The following PHF20L1 variants were observed in gnomAD, a reference collection of about 807,000 sequenced individuals.
PHF20L1 encodes PHD finger protein 20 like 1.
In PHF20L1, 44 loss-of-function variants were observed where a neutral mutation model predicts 125.5. The observed-to-expected ratio is 0.35, with a 90% CI of 0.28 to 0.45. PHF20L1 has a LOEUF of 0.45. Ranked by LOEUF, PHF20L1 falls within the 20% of genes least tolerant of loss-of-function variation. PHF20L1 has a pLI of 1.00. For missense variants in PHF20L1, 1,012 were observed against 1,217.2 expected (o/e 0.83, Z 2.51); for synonymous variants, 380 against 403.1 (o/e 0.94, Z 0.69).
intron 2 of PHF20L1, among the ~76,000 whole-genome samples, chr8:132,786,229 G>A (rs1297539198): frequency 6.6e-6 from 1 of 151,990 alleles, no homozygotes; most frequent in Non-Finnish European, 1.5e-5. Flanking sequence ...TGAAAGTTAA[G>A]CTACTTTCTT....
chr8:132,780,400 T>G (rs2131308250), intron 2 of PHF20L1, among the ~76,000 whole-genome samples: 1 of 152,270 alleles, frequency 6.6e-6, no homozygotes, highest in East Asian at 1.9e-4. Flanking sequence ...ATTCTGTAAA[T>G]TTTTGCATTA....
chr8:132,827,912 TGA>T lies in PHF20L1; in HGVS notation c.1744+2543_1744+2544del, dbSNP rs1836367371. On this transcript the variant is annotated intron_variant, in intron 14 of 20. Transcript: ENST00000395386. ...ATTGCTGTTTATAAACAGCAGGTGT[TGA>T]GTTTGATAATCACTGTCATCTTTGT... Among the ~76,000 whole-genome samples, 3 of 152,168 alleles carry T rather than the reference TGA, an allele frequency of 2.0e-5. No individual in the cohort carries two copies. In the South Asian group the frequency reaches 6.2e-4, roughly 32 times the overall value.
rs1586934787 is a variant in PHF20L1 at position 132,806,264 on chromosome 8, AC to A, written c.847+1525del. On this transcript the variant is annotated intron_variant, in intron 8 of 20. Coordinates refer to ENST00000395386, the MANE Select transcript of PHF20L1 (RefSeq NM_016018.5). ...CTCAACGTTTAAAGAAGTAAAAAAA[AC>A]AAAAAACTACAACACAAAAACTCTG... 4 of 152,170 alleles carry A rather than the reference AC, an allele frequency of 2.6e-5. No individual in the cohort carries two copies. The East Asian group carries it at 7.7e-4, about 29-fold the overall frequency. 9.4% of individuals were successfully genotyped at this position (152,170 alleles called of 1,614,324 possible). A position where few individuals can be genotyped will look rare whatever the true frequency, so the allele number is the denominator to read the frequency against.
chr8:132,777,960 T>A, intron 2 of PHF20L1, 49 bp downstream of exon 2: 1 of 1,105,046 alleles, frequency 9.0e-7, no homozygotes, highest in Non-Finnish European at 1.4e-6. Flanking sequence ...ATCTGTAGCC[T>A]TACATATGTT....
At position 132,794,775 on chromosome 8, in the gene PHF20L1, T is replaced by A; in HGVS notation, c.298T>A (p.Cys100Ser). The change falls in exon 4 of 21, where the codon TGT becomes AGT. Residue 100 changes from cysteine to serine, a missense_variant. Physicochemically the swap from Cys to Ser is moderately radical, Grantham distance 112. This residue lies in a region of PHF20L1 where 94 missense variants were observed against 179.5 expected (regional missense o/e 0.52). Coordinates refer to ENST00000395386, the MANE Select transcript of PHF20L1 (RefSeq NM_016018.5). ...GEEVLARWTD[C>S]RYYPAKIEAI... ...AGAAGTTCTGGCTCGTTGGACAGAC[T>A]GTCGCTATTACCCTGCCAAGATTGA... 1 of 1,613,206 alleles carries A rather than the reference T, an allele frequency of 6.2e-7. No individual in the cohort carries two copies. The highest frequency in any genetic ancestry group is 8.5e-7 in the Non-Finnish European group (1 of 1,179,336).
intron 2 of PHF20L1, among the ~76,000 whole-genome samples, chr8:132,789,586 C>A (rs1463203721): frequency 6.6e-6 from 1 of 152,080 alleles, no homozygotes; most frequent in Non-Finnish European, 1.5e-5. Context: ...GCCAAATAAA[C>A]AATGAAGAAT....
At chr8:132,783,362 T>G (rs943870680) in intron 2 of PHF20L1, among the ~76,000 whole-genome samples, 2 of 152,224 alleles carry the variant, frequency 1.3e-5, no homozygotes, top group Admixed American at 1.3e-4. Flanking sequence ...TTTGCAAATG[T>G]GAGTTTTTAA....
intron 12 of PHF20L1, among the ~76,000 whole-genome samples, chr8:132,822,981 A>G (rs577959015): frequency 6.6e-6 from 1 of 151,990 alleles, no homozygotes; most frequent in East Asian, 1.9e-4. Context: ...ACTAGCCACA[A>G]ATAGATATTA....
At chr8:132,793,242 C>A (rs1831976542) in intron 2 of PHF20L1, among the ~76,000 whole-genome samples, 1 of 152,196 alleles carries the variant, frequency 6.6e-6, no homozygotes, top group South Asian at 2.1e-4. Context: ...ATGCTTGACA[C>A]AGAGCAACAT....
At chr8:132,844,880 T>C (rs1398380004) in intron 20 of PHF20L1, among the ~76,000 whole-genome samples, 1 of 152,122 alleles carries the variant, frequency 6.6e-6, no homozygotes, top group African/African-American at 2.4e-5. Context: ...TCTCAGTCCA[T>C]GTTGTTCTTA....
intron 8 of PHF20L1, among the ~76,000 whole-genome samples, chr8:132,804,975 G>A (rs1315406726): frequency 6.6e-6 from 1 of 151,878 alleles, no homozygotes; most frequent in Non-Finnish European, 1.5e-5. Context: ...TGTTGTGAGG[G>A]TTGATAAGGA....
intron 18 of PHF20L1, 30 bp from the exon 19 acceptor site, chr8:132,842,485 G>A: frequency 6.7e-7 from 1 of 1,483,446 alleles, no homozygotes; most frequent in Non-Finnish European, 9.0e-7. Flanking sequence ...TTTTTTTTCT[G>A]AACTGCTGTT....
Position 132,798,805 on chromosome 8 carries a change from T to G in PHF20L1, c.374T>G (p.Ile125Ser). Residue 125 changes from isoleucine to serine, a missense_variant, in exon 5 of 21, where the codon ATT becomes AGT. Ile to Ser is a moderately radical substitution (Grantham distance 142). This residue lies in a region of PHF20L1 where 94 missense variants were observed against 179.5 expected (regional missense o/e 0.52). Transcript: ENST00000395386. ...TFTVQFYDGVIRCLKRMHIKA... is the reference protein window; with the variant it reads ...TFTVQFYDGVSRCLKRMHIKA... The stretch of plus-strand genomic sequence containing the variant: ...ACAGTTCAGTTTTATGATGGAGTAA[T>G]TCGTTGTTTAAAAAGAATGCACATT... 2 of 1,610,010 alleles carry G rather than the reference T, an allele frequency of 1.2e-6. No homozygotes were observed. The highest frequency in any genetic ancestry group is 1.7e-6 in the Non-Finnish European group (2 of 1,177,488).
At chr8:132,799,586 CAATT>C (rs1832802621) in intron 6 of PHF20L1, 1 of 153,798 alleles carries the variant, frequency 6.5e-6, no homozygotes, top group Non-Finnish European at 1.4e-5. Flanking sequence ...CCTGGACCTA[CAATT>C]AATTTTAAGA....
At position 132,817,454 on chromosome 8, in the gene PHF20L1, A is replaced by G; in HGVS notation, c.1488A>G (p.Glu496=). The G allele has an allele frequency of 1.2e-6, 2 of 1,612,712 alleles. No homozygotes were observed. The highest frequency in any genetic ancestry group is 2.2e-5 in the East Asian group (1 of 44,816). ...PVASDSSYRN[E]CPRAEKEDTQ... The stretch of plus-strand genomic sequence containing the variant: ...CCTCAGATTCCTCTTACCGTAATGA[A>G]TGTCCCAGGGCAGAAAAAGAGGATA... Residue 496 remains glutamate (E), a synonymous_variant, in exon 12 of 21, where the codon GAA becomes GAG. Transcript: ENST00000395386.
chr8:132,796,211 T>C (rs1832369712), intron 4 of PHF20L1, among the ~76,000 whole-genome samples: 1 of 152,070 alleles, frequency 6.6e-6, no homozygotes, highest in African/African-American at 2.4e-5. Context: ...AGGCATGCCA[T>C]GTCATTTTAA....
chr8:132,842,625 G>A lies in PHF20L1; in HGVS notation c.2498G>A (p.Arg833Gln), dbSNP rs561899935. The change falls in exon 19 of 21, where the codon CGA (arginine) becomes CAA (glutamine). Residue 833 changes from arginine (R) to glutamine (Q), a missense_variant. This residue lies in a region of PHF20L1 where 277 missense variants were observed against 283.6 expected (regional missense o/e 0.98). Transcript: ENST00000395386. The part of the protein sequence containing the change: ...EKKIAQDTVN[R>Q]EEKKYVQNHK... ...AAAATAGCTCAAGACACAGTTAATC[G>A]AGAAGAAAAGAAATATGTACAGAAC... 6.8e-6 allele frequency: 11 copies of A among 1,613,078 alleles called. No homozygotes were observed. The South Asian group carries it at 7.7e-5, about 11-fold the overall frequency.
At chr8:132,784,327 T>C (rs1165065777) in intron 2 of PHF20L1, among the ~76,000 whole-genome samples, 2 of 152,232 alleles carry the variant, frequency 1.3e-5, no homozygotes, top group South Asian at 4.1e-4. Context: ...AAACTGGAAG[T>C]CATAAAATAT....
chr8:132,783,280 A>C (rs766540715), intron 2 of PHF20L1, among the ~76,000 whole-genome samples: 17 of 152,326 alleles, frequency 1.1e-4, no homozygotes, highest in Non-Finnish European at 2.4e-4. Context: ...TCAGAGTTTA[A>C]TAGAACAGTA....
Sources: gnomAD v4.1 joint callset for allele counts (sites outside exome capture counted in the v4.1 genomes callset) on GRCh38, gnomAD v4.1.1 for gene constraint, gnomAD v4.1.1 regional missense constraint, MANE v1.5 for transcripts, NCBI Gene and HGNC (gene_info 2026-07-23, HGNC 2026-07-21) for gene names.